Variants in TET2 observed in about 807,000 individuals in gnomAD.
TET2 encodes methylcytosine dioxygenase TET2.
In TET2, 299 loss-of-function variants were observed where a neutral mutation model predicts 142.9. That is an observed-to-expected ratio of 2.09 (90% CI 1.90 to 2.30). TET2 has a LOEUF of 2.30. Among genes scored for constraint, TET2 ranks in the 30% most tolerant of loss-of-function variants. TET2 has a pLI of 0.00. For synonymous variants in TET2, 819 were observed against 849.0 expected (o/e 0.96, Z 0.61); for missense variants, 2,418 against 2,378.0 (o/e 1.02, Z -0.35).
In TET2 at chr4:105,234,603, ACACAT is replaced by A; in HGVS notation, c.662_666del (p.Thr221ArgfsTer2). 6.2e-7 allele frequency: 1 copy of A among 1,614,146 alleles called. No individual in the cohort carries two copies. Among genetic ancestry groups the A allele is most frequent in the Non-Finnish European group, 8.5e-7 (1 of 1,180,020 alleles). ...AGTTTCTGCCTCTTCCGTGGAACAC[ACACAT>A]GGTGAACTCCTGGAAAAAACACTGT... On this transcript the variant is annotated frameshift_variant, in exon 3 of 11. Transcript: ENST00000380013. LOFTEE classifies it high-confidence loss of function.
chr4:105,220,808 T>C (rs1228206068), intron 2 of TET2, among the ~76,000 whole-genome samples: 1 of 152,174 alleles, frequency 6.6e-6, no homozygotes, highest in East Asian at 1.9e-4. Context: ...CTGTCCTTAT[T>C]TCTTCTATCA....
intron 1 of TET2, among the ~76,000 whole-genome samples, chr4:105,168,026 C>T (rs151067999): frequency 1.4e-4 from 21 of 152,296 alleles, no homozygotes; most frequent in African/African-American, 4.8e-4. Flanking sequence ...CACCATTTCA[C>T]CAATTTCCAT....
chr4:105,194,663 A>C (rs572513343), intron 2 of TET2, among the ~76,000 whole-genome samples: 16 of 152,268 alleles, frequency 1.1e-4, no homozygotes, highest in South Asian at 2.1e-4. Flanking sequence ...GAGTCACAGG[A>C]TTATAAAAGA....
intron 6 of TET2, among the ~76,000 whole-genome samples, chr4:105,257,163 G>GTGGCTCGTGCC (rs1236417261): frequency 6.6e-6 from 1 of 152,176 alleles, no homozygotes; most frequent in South Asian, 2.1e-4. Flanking sequence ...GCTGAGAGCA[G>GTGGCTCGTGCC]TGGCTCGTGC....
At chr4:105,165,924 C>G (rs2110396595) in intron 1 of TET2, among the ~76,000 whole-genome samples, 1 of 152,286 alleles carries the variant, frequency 6.6e-6, no homozygotes, top group East Asian at 1.9e-4. Context: ...TTCTGAGTCT[C>G]TACTATGTAA....
chr4:105,164,623 A>G (rs960679185), intron 1 of TET2, among the ~76,000 whole-genome samples: 6 of 152,244 alleles, frequency 3.9e-5, no homozygotes, highest in Non-Finnish European at 5.9e-5. Flanking sequence ...TTTTTAAAGC[A>G]TAATGAGATG....
intron 1 of TET2, among the ~76,000 whole-genome samples, 171 bp from the exon 2 acceptor site, chr4:105,190,189 C>A (rs1457194399): frequency 6.6e-6 from 1 of 152,154 alleles, no homozygotes; most frequent in Non-Finnish European, 1.5e-5. Flanking sequence ...TATTATGGTA[C>A]ATTTGAGAGT....
rs750846884 is a variant in TET2 at position 105,276,332 on chromosome 4, C to T, written c.5822C>T (p.Pro1941Leu). 5.2e-6 allele frequency: 8 copies of T among 1,551,614 alleles called. 1 individual carries two copies. Among genetic ancestry groups the T allele is most frequent in the Middle Eastern group, 1.7e-4 (1 of 6,016 alleles). The change falls in exon 11 of 11, where the codon CCT becomes CTT. Residue 1941 changes from proline to leucine, a missense_variant. Coordinates refer to ENST00000380013, the MANE Select transcript of TET2 (RefSeq NM_001127208.3). ...GAAAAGTATGGCCCAGACTATGTGC[C>T]TCAGAAATCCCATGGCAAAAAAGTG... ...ECEKYGPDYV[P>L]QKSHGKKVKR...
At position 105,275,820 on chromosome 4, in the gene TET2, G is replaced by A. The variant is rs73838071; in HGVS notation, c.5310G>A (p.Pro1770=). ...TAATCCATAACTACAGTGCAGCTCC[G>A]GGCATGTTCAACAGCTCTCTTCATG... ...SHIIHNYSAA[P]GMFNSSLHAL... Residue 1770 remains proline, a synonymous_variant, in exon 11 of 11, where the codon CCG becomes CCA. Coordinates refer to ENST00000380013, the MANE Select transcript of TET2 (RefSeq NM_001127208.3). 2.9e-5 allele frequency: 45 copies of A among 1,551,696 alleles called. No individual in the cohort carries two copies. Among genetic ancestry groups the A allele is most frequent in the Middle Eastern group, 1.7e-4 (1 of 5,990 alleles).
At position 105,259,783 on chromosome 4, in the gene TET2, C is replaced by T. The variant is rs769790147; in HGVS notation, c.3954+14C>T. 1.0e-5 allele frequency: 16 copies of T among 1,548,004 alleles called. No individual in the cohort carries two copies. The African/African-American group carries it at 1.9e-4, about 19-fold the overall frequency. On this transcript the variant is annotated intron_variant, in intron 7 of 10. Transcript: ENST00000380013. ...GACCCAAAAGAGGTTTGTTTACTTC[C>T]TGATGTATAATCGCTTTATTTTTCA...
intron 3 of TET2, chr4:105,239,078 T>TTTTGTTTTTTTG (rs1553914868): frequency 4.3e-6 from 1 of 233,088 alleles, no homozygotes; most frequent in Admixed American, 5.8e-5. Flanking sequence ...TTTTTTGTTT[T>TTTTGTTTTTTTG]TTTTTTTTGT....
At chr4:105,250,455 C>A (rs967970843) in intron 6 of TET2, among the ~76,000 whole-genome samples, 17 of 121,992 alleles carry the variant, frequency 1.4e-4, no homozygotes, top group African/African-American at 5.0e-4. Context: ...TGGTTTTGAA[C>A]TCCTGGCTAA....
chr4:105,268,742 G>A (rs938893662), intron 8 of TET2, among the ~76,000 whole-genome samples: 4 of 152,178 alleles, frequency 2.6e-5, no homozygotes, highest in Non-Finnish European at 5.9e-5. Flanking sequence ...AGGCCGAGGT[G>A]GGTGGATCAC....
intron 2 of TET2, among the ~76,000 whole-genome samples, chr4:105,220,691 C>A (rs2110581686): frequency 6.6e-6 from 1 of 152,268 alleles, no homozygotes; most frequent in Non-Finnish European, 1.5e-5. Context: ...CTATTGGACG[C>A]CCTCTGTGAG....
At chr4:105,184,832 A>T (rs764307435) in intron 1 of TET2, among the ~76,000 whole-genome samples, 1 of 152,314 alleles carries the variant, frequency 6.6e-6, no homozygotes, top group East Asian at 1.9e-4. Flanking sequence ...AGTGAACTCC[A>T]GTCTCATCCC....
At chr4:105,151,823 C>G (rs1331967657) in intron 1 of TET2, among the ~76,000 whole-genome samples, 2 of 152,018 alleles carry the variant, frequency 1.3e-5, no homozygotes, top group Non-Finnish European at 2.9e-5. Flanking sequence ...GCCTGTAATC[C>G]CAGCACTTTG....
Position 105,242,847 on chromosome 4 carries a change from G to GT in TET2, c.3514_3515insT (p.Gly1172ValfsTer2). The GT allele has an allele frequency of 6.4e-7, 1 of 1,551,184 alleles. No individual in the cohort carries two copies. The highest frequency in any genetic ancestry group is 8.7e-7 in the Non-Finnish European group (1 of 1,146,794). ...GGTTTCTTTAAGGTTTGGACAGAAG[G>GT]GTAAAGCTATTAGGATTGAAAGAGT... On this transcript the variant is annotated frameshift_variant, in exon 5 of 11. Coordinates refer to ENST00000380013, the MANE Select transcript of TET2 (RefSeq NM_001127208.3). LOFTEE classifies it high-confidence loss of function.
chr4:105,198,713 G>A (rs1332157309), intron 2 of TET2, among the ~76,000 whole-genome samples: 2 of 152,150 alleles, frequency 1.3e-5, no homozygotes, highest in South Asian at 2.1e-4. Flanking sequence ...TCCATACCAT[G>A]CAGGAACCTT....
rs140551470 is a variant in TET2 at position 105,218,567 on chromosome 4, G to A, written c.-46-15330G>A. Among the ~76,000 whole-genome samples the A allele has an allele frequency of 1.6e-4, 25 of 152,094 alleles. No homozygotes were observed. In the East Asian group the frequency reaches 4.4e-3, roughly 27 times the overall value. ...TCATTGCCAGTTTTAGAGAATCATA[G>A]CATTTTAGAACACAAGATGACCTTA... On this transcript the variant is annotated intron_variant, in intron 2 of 10. Transcript: ENST00000380013.
Sources: allele counts gnomAD v4.1 joint callset (sites outside exome capture counted in the v4.1 genomes callset), GRCh38; gene constraint gnomAD v4.1.1; transcripts MANE v1.5; gene names NCBI Gene and HGNC (gene_info 2026-07-23, HGNC 2026-07-21).